CREG2: variants seen among roughly 807,000 people sequenced by gnomAD.
CREG2 encodes the protein cellular repressor of E1A stimulated genes 2.
CREG2 carries 24 observed loss-of-function variants against 26.2 expected under a neutral mutation model. The ratio of observed to expected loss-of-function variants is 0.92; its 90% confidence interval spans 0.66 to 1.29. CREG2 has a LOEUF of 1.29. Ranked by LOEUF, CREG2 falls within the 50% of genes most tolerant of loss-of-function variation. The probability of loss-of-function intolerance (pLI) is 0.00; values close to 1 mark genes in which losing one functional copy is unlikely to be tolerated. For synonymous variants in CREG2, 174 were observed against 169.2 expected (o/e 1.03, Z -0.22); for missense variants, 366 against 398.6 (o/e 0.92, Z 0.70).
intron 2 of CREG2, among the ~76,000 whole-genome samples, chr2:101,381,308 T>A (rs1273973708): frequency 6.6e-6 from 1 of 152,218 alleles, no homozygotes; most frequent in Non-Finnish European, 1.5e-5. Context: ...AACCCCTTGC[T>A]TGGCTTGTTT....
intron 2 of CREG2, among the ~76,000 whole-genome samples, chr2:101,373,128 A>G (rs1272663254): frequency 6.6e-6 from 1 of 152,240 alleles, no homozygotes; most frequent in East Asian, 1.9e-4. Context: ...GTGAAATGAA[A>G]TCATATACCT....
Position 101,349,935 on chromosome 2 carries a change from C to G in CREG2, c.*988G>C, listed in dbSNP as rs1189179998. ...TGAGCTGTCTGGGATGTGGACTCAG[C>G]CCCTCTGAGTCTAGTTTTCTTGTCT... On this transcript the variant is annotated 3_prime_UTR_variant, in exon 4 of 4. Coordinates refer to ENST00000324768, the MANE Select transcript of CREG2 (RefSeq NM_153836.4). The G allele has an allele frequency of 6.6e-6, 1 of 152,178 alleles. No homozygotes were observed. Among genetic ancestry groups the G allele is most frequent in the African/African-American group, 2.4e-5 (1 of 41,432 alleles). 9.4% of individuals were successfully genotyped at this position (152,178 alleles called of 1,614,324 possible).
chr2:101,382,675 T>G, intron 2 of CREG2: 1 of 985,470 alleles, frequency 1.0e-6, no homozygotes, highest in Non-Finnish European at 1.2e-6. Context: ...GTTGCTTTGA[T>G]TAGCCTCTGT....
chr2:101,383,504 C>G, intron 2 of CREG2, 29 bp downstream of exon 2: 2 of 1,611,552 alleles, frequency 1.2e-6, no homozygotes, highest in Non-Finnish European at 1.7e-6. Flanking sequence ...TCCCAGGACC[C>G]GTGTGAGTGA....
chr2:101,354,838 A>G (rs959306071), intron 3 of CREG2, among the ~76,000 whole-genome samples: 1 of 152,010 alleles, frequency 6.6e-6, no homozygotes, highest in Non-Finnish European at 1.5e-5. Context: ...TGGGCCCATA[A>G]AGCTGCGTCT....
chr2:101,356,865 C>T (rs922738090), intron 2 of CREG2, among the ~76,000 whole-genome samples: 2 of 152,028 alleles, frequency 1.3e-5, no homozygotes, highest in Admixed American at 6.6e-5. Flanking sequence ...GGTCACCTGG[C>T]AGTGACGATG....
At chr2:101,367,583 T>G (rs139496796) in intron 2 of CREG2, among the ~76,000 whole-genome samples, 2,115 of 152,286 alleles carry the variant, frequency 0.014, 19 homozygotes, top group Non-Finnish European at 0.022. Context: ...GTAGGTGGAA[T>G]AGCAGCTCGC....
In CREG2 at chr2:101,349,425, A is replaced by T. The variant is rs2104466745; in HGVS notation, c.*1498T>A. The T allele has an allele frequency of 6.5e-6, 1 of 152,788 alleles. No homozygotes were observed. Among genetic ancestry groups the T allele is most frequent in the Non-Finnish European group, 1.5e-5 (1 of 68,034 alleles). 9.5% of individuals were successfully genotyped at this position (152,788 alleles called of 1,614,324 possible). ...GTCGTATGTTATTTTGTTAAGCAAA[A>T]GTTCATAATCATTAATAACACTCTT... On this transcript the variant is annotated 3_prime_UTR_variant, in exon 4 of 4. Transcript: ENST00000324768.
At chr2:101,377,262 AG>A (rs1684807735) in intron 2 of CREG2, among the ~76,000 whole-genome samples, 3 of 152,276 alleles carry the variant, frequency 2.0e-5, no homozygotes, top group Non-Finnish European at 4.4e-5. Flanking sequence ...AAAAAAAAAA[AG>A]AAATGTTTTT....
At chr2:101,351,152 TC>T in intron 3 of CREG2, 82 bp from the exon 4 acceptor site, 1 of 1,403,096 alleles carries the variant, frequency 7.1e-7, no homozygotes, top group Non-Finnish European at 9.6e-7. Flanking sequence ...ACCTCCAGAG[TC>T]CAGGCCTCAT....
intron 2 of CREG2, among the ~76,000 whole-genome samples, chr2:101,373,720 A>T (rs1684747547): frequency 6.6e-6 from 1 of 152,210 alleles, no homozygotes; most frequent in Non-Finnish European, 1.5e-5. Flanking sequence ...ACAGAGTTGA[A>T]ATAAAATTAG....
intron 2 of CREG2, chr2:101,382,054 TTC>T (rs1380417457): frequency 6.6e-6 from 1 of 152,176 alleles, no homozygotes; most frequent in Non-Finnish European, 1.5e-5. Flanking sequence ...CAAGTATATA[TTC>T]TGTTGCCTGT....
In CREG2 at chr2:101,387,170, C is replaced by A. The variant is rs1237171997; in HGVS notation, c.288G>T (p.Pro96=). 7.8e-7 allele frequency: 1 copy of A among 1,282,776 alleles called. No homozygotes were observed. The highest frequency in any genetic ancestry group is 9.9e-7 in the Non-Finnish European group (1 of 1,012,558). The allele number at this position is 1,282,776 out of a possible 1,614,324, so 79.5% of individuals were successfully genotyped here. A position where few individuals can be genotyped will look rare whatever the true frequency, so the allele number is the denominator to read the frequency against. The change falls in exon 1 of 4, where the codon CCG becomes CCT. Residue 96 remains proline (P), a synonymous_variant. Transcript: ENST00000324768. The surrounding 1 kb of genome is among the most constrained non-coding windows in gnomAD (Gnocchi z 4.7). ...RPRAGAARAR[P]PPAPPGMFSY... ...AGAACATCCCGGGTGGCGCGGGGGG[C>A]GGCCTGGCCCGGGCGGCGCCCGCCC...
chr2:101,372,491 G>A (rs1684723788), intron 2 of CREG2, among the ~76,000 whole-genome samples: 1 of 152,108 alleles, frequency 6.6e-6, no homozygotes, highest in South Asian at 2.1e-4. Context: ...CTTTTCTCAT[G>A]TTTAGACACT....
At chr2:101,359,553 G>C (rs1446141055) in intron 2 of CREG2, among the ~76,000 whole-genome samples, 1 of 152,268 alleles carries the variant, frequency 6.6e-6, no homozygotes, top group African/African-American at 2.4e-5. Context: ...CCCTGGCACT[G>C]GGTGTGACCA....
At chr2:101,385,083 T>A (rs1048840361) in intron 1 of CREG2, among the ~76,000 whole-genome samples, 18 of 152,168 alleles carry the variant, frequency 1.2e-4, no homozygotes, top group Admixed American at 9.2e-4. Context: ...CAGCCTCAGG[T>A]ATTTGTTTAC....
At chr2:101,359,850 G>C (rs1245640447) in intron 2 of CREG2, among the ~76,000 whole-genome samples, 1 of 152,194 alleles carries the variant, frequency 6.6e-6, no homozygotes, top group Non-Finnish European at 1.5e-5. Context: ...AAGATGAAAG[G>C]CTTCAGGGGT....
chr2:101,350,604 C>A lies in CREG2; in HGVS notation c.*319G>T, dbSNP rs1370290323. 3 of 205,690 alleles carry A rather than the reference C, an allele frequency of 1.5e-5. No homozygotes were observed. The highest frequency in any genetic ancestry group is 1.6e-4 in the South Asian group (1 of 6,422). The allele number at this position is 205,690 out of a possible 1,614,324, so 12.7% of individuals were successfully genotyped here. A position where few individuals can be genotyped will look rare whatever the true frequency, so the allele number is the denominator to read the frequency against. On this transcript the variant is annotated 3_prime_UTR_variant, in exon 4 of 4. Coordinates refer to ENST00000324768, the MANE Select transcript of CREG2 (RefSeq NM_153836.4). ...ACAGGCATTTTTTTTTTTCCTTAAA[C>A]AATGAAACAACAATGATCTCAACAT...
chr2:101,363,763 T>C (rs996880499), intron 2 of CREG2, among the ~76,000 whole-genome samples: 1 of 151,786 alleles, frequency 6.6e-6, no homozygotes, highest in Non-Finnish European at 1.5e-5. Flanking sequence ...GGCAGGAGGA[T>C]CACTTGAGCC....
Sources: allele counts gnomAD v4.1 joint callset (sites outside exome capture counted in the v4.1 genomes callset), GRCh38; gene constraint gnomAD v4.1.1; non-coding constraint Gnocchi (gnomAD v3.1); transcripts MANE v1.5; gene names NCBI Gene and HGNC (gene_info 2026-07-23, HGNC 2026-07-21).